MED13L: variants seen among roughly 807,000 people sequenced by gnomAD.
The protein encoded by MED13L is mediator complex subunit 13L, also known as mediator of RNA polymerase II transcription subunit 13-like.
Under a neutral mutation model 220.9 loss-of-function variants are expected in MED13L, and 7 were observed. The observed-to-expected ratio is 0.03, with a 90% CI of 0.02 to 0.06. The LOEUF is 0.06. MED13L is among the 10% of genes least tolerant of loss of function. MED13L has a pLI of 1.00. For synonymous variants in MED13L, 1,011 were observed against 1,015.2 expected (o/e 1.00, Z 0.08); for missense variants, 1,965 against 2,760.5 (o/e 0.71, Z 6.46).
chr12:116,072,981 T>A (rs1870500014), intron 4 of MED13L, among the ~76,000 whole-genome samples: 1 of 152,220 alleles, frequency 6.6e-6, no homozygotes, highest in Non-Finnish European at 1.5e-5. Flanking sequence ...AAACTTTAAG[T>A]ATTTAATTCT....
At chr12:116,045,584 C>A (rs191940784) in intron 4 of MED13L, among the ~76,000 whole-genome samples, 3 of 152,206 alleles carry the variant, frequency 2.0e-5, no homozygotes, top group Admixed American at 6.5e-5. Flanking sequence ...AAATATGAGT[C>A]ACAGCGTATC....
At chr12:116,144,122 G>GC (rs1877294473) in intron 2 of MED13L, among the ~76,000 whole-genome samples, 3 of 152,112 alleles carry the variant, frequency 2.0e-5, no homozygotes, top group Admixed American at 2.0e-4. Flanking sequence ...AGAAATTCCT[G>GC]CTATTTCACT....
chr12:116,104,618 C>T (rs911835331), intron 3 of MED13L, among the ~76,000 whole-genome samples: 1 of 152,164 alleles, frequency 6.6e-6, no homozygotes, highest in African/African-American at 2.4e-5. Flanking sequence ...TTATGTTTTA[C>T]AAATGTCAGA....
chr12:115,977,997 A>G (rs1384377612), intron 23 of MED13L, among the ~76,000 whole-genome samples: 1 of 152,116 alleles, frequency 6.6e-6, no homozygotes, highest in Non-Finnish European at 1.5e-5. Flanking sequence ...CCTTGCCTCA[A>G]AAATAAAAAT....
chr12:116,276,347 T>TGTGTGC, intron 1 of MED13L: 1 of 628,390 alleles, frequency 1.6e-6, no homozygotes, highest in African/African-American at 1.9e-5. Flanking sequence ...TGTGTGTGTG[T>TGTGTGC]GTGTGCGGAT....
chr12:116,104,574 T>C (rs567204785), intron 3 of MED13L, among the ~76,000 whole-genome samples: 12 of 152,318 alleles, frequency 7.9e-5, no homozygotes, highest in Middle Eastern at 3.4e-3. Flanking sequence ...AATCCATTAG[T>C]ACAGCAGCAC....
intron 1 of MED13L, among the ~76,000 whole-genome samples, chr12:116,267,469 C>T (rs1193386704): frequency 6.6e-6 from 1 of 152,174 alleles, no homozygotes; most frequent in Admixed American, 6.5e-5. Flanking sequence ...TTGTAATTTA[C>T]TAAAGGTCTC....
chr12:116,253,239 T>C (rs1871723124), intron 1 of MED13L, among the ~76,000 whole-genome samples: 1 of 127,252 alleles, frequency 7.9e-6, no homozygotes, highest in Admixed American at 9.8e-5. Context: ...GCCATTGCAC[T>C]CCAGCCAGGG....
intron 2 of MED13L, among the ~76,000 whole-genome samples, chr12:116,231,860 A>C (rs1869590933): frequency 6.6e-6 from 1 of 152,164 alleles, no homozygotes; most frequent in Admixed American, 6.5e-5. Flanking sequence ...ATAAAAAGCT[A>C]GGAGGAGTGG....
chr12:116,035,297 G>A (rs1420805952), intron 4 of MED13L, among the ~76,000 whole-genome samples: 2 of 151,968 alleles, frequency 1.3e-5, no homozygotes, highest in Non-Finnish European at 1.5e-5. Context: ...GGTAGGACAC[G>A]TCAGCCAAAA....
At chr12:116,217,322 CAAA>C (rs1205336834) in intron 2 of MED13L, among the ~76,000 whole-genome samples, 3 of 152,118 alleles carry the variant, frequency 2.0e-5, no homozygotes, top group African/African-American at 7.2e-5. Context: ...TGCAACATGG[CAAA>C]ACTTAATCTT....
rs1375042465 is a variant in MED13L at position 115,982,483 on chromosome 12, GTCC to G, written c.5073_5075del (p.Glu1691del). 3 of 1,614,166 alleles carry G rather than the reference GTCC, an allele frequency of 1.9e-6. No individual in the cohort carries two copies. The East Asian group carries it at 6.7e-5, about 36-fold the overall frequency. Reference sequence around the variant, plus strand: ...ACAGCCAAAAGTTCCCAGAAGTGGAGTCCTCCTCTGCAGCATACGTGAACGGGT... The same window carrying G: ...ACAGCCAAAAGTTCCCAGAAGTGGAGTCCTCTGCAGCATACGTGAACGGGT... On this transcript the variant is annotated inframe_deletion, in exon 22 of 31. Transcript: ENST00000281928.
chr12:116,115,291 G>C (rs1874413783), intron 2 of MED13L, among the ~76,000 whole-genome samples: 1 of 151,966 alleles, frequency 6.6e-6, no homozygotes, highest in African/African-American at 2.4e-5. Flanking sequence ...AGGCAATTCA[G>C]TCAATTCAGT....
At chr12:116,205,613 G>A (rs1292309048) in intron 2 of MED13L, among the ~76,000 whole-genome samples, 3 of 151,374 alleles carry the variant, frequency 2.0e-5, no homozygotes, top group Non-Finnish European at 4.4e-5. Context: ...CCAGAGGGAG[G>A]GAGAAACTGA....
At chr12:116,173,679 T>A (rs901561551) in intron 2 of MED13L, among the ~76,000 whole-genome samples, 1 of 152,146 alleles carries the variant, frequency 6.6e-6, no homozygotes, top group African/African-American at 2.4e-5. Flanking sequence ...ATTTGCTGGA[T>A]AACAAAACGA....
chr12:116,113,597 G>A (rs1228841193), intron 2 of MED13L, among the ~76,000 whole-genome samples: 2 of 150,102 alleles, frequency 1.3e-5, no homozygotes, highest in Non-Finnish European at 3.0e-5. Flanking sequence ...TCAAGGTTGC[G>A]GCAAGCCATG....
chr12:116,119,809 TAAAAAAAAAAAAAAA>T (rs57622950), intron 2 of MED13L, among the ~76,000 whole-genome samples: 35 of 38,776 alleles, frequency 9.0e-4, no homozygotes, highest in South Asian at 2.1e-3. Context: ...CCCATATCTT[TAAAAAAAAAAAAAAA>T]AAAAAAAAAA....
intron 17 of MED13L, among the ~76,000 whole-genome samples, chr12:115,990,206 T>C (rs144461128): frequency 1.4e-4 from 22 of 152,344 alleles, no homozygotes; most frequent in East Asian, 9.6e-4. Flanking sequence ...GTACTCATCA[T>C]TGAGATCTCT....
intron 4 of MED13L, among the ~76,000 whole-genome samples, chr12:116,025,230 C>T (rs141720037): frequency 5.9e-5 from 9 of 152,278 alleles, no homozygotes; most frequent in South Asian, 2.1e-4. Context: ...TAACAGATAA[C>T]AAGTGTTGGC....
Sources: gnomAD v4.1 joint callset for allele counts (sites outside exome capture counted in the v4.1 genomes callset) on GRCh38, gnomAD v4.1.1 for gene constraint, MANE v1.5 for transcripts, NCBI Gene and HGNC (gene_info 2026-07-23, HGNC 2026-07-21) for gene names.